Variants in JMJD1C observed in about 807,000 individuals in gnomAD.
The protein encoded by JMJD1C is jumonji domain containing 1C.
Under a neutral mutation model 245.3 loss-of-function variants are expected in JMJD1C, and 31 were observed. That is an observed-to-expected ratio of 0.13 (90% CI 0.09 to 0.17). The LOEUF (loss-of-function observed/expected upper bound fraction) is 0.17, where lower values mean the gene tolerates loss of function less well. Among genes scored for constraint, JMJD1C ranks in the 10% least tolerant of loss-of-function variants. The pLI is 1.00. For missense variants in JMJD1C, 2,691 were observed against 3,000.2 expected (o/e 0.90, Z 2.41); for synonymous variants, 1,057 against 1,017.4 (o/e 1.04, Z -0.74).
intron 4 of JMJD1C, 99 bp downstream of exon 4, chr10:63,219,779 G>T: frequency 1.5e-6 from 1 of 689,274 alleles, no homozygotes; most frequent in Non-Finnish European, 2.6e-6. Flanking sequence ...TATTGGACTG[G>T]GCCTTCTATT....
At chr10:63,470,156 T>C (rs751781082), upstream of JMJD1C, among the ~76,000 whole-genome samples, 11 of 152,186 alleles carry the variant, frequency 7.2e-5, no homozygotes, top group Non-Finnish European at 1.5e-4. Context: ...TGATCATTTA[T>C]ATTTTTTCCC....
At chr10:63,513,178 T>C (rs1954921263) in intron 1 of JMJD1C, among the ~76,000 whole-genome samples, 1 of 152,150 alleles carries the variant, frequency 6.6e-6, no homozygotes, top group Non-Finnish European at 1.5e-5. Context: ...ATCTAATCTT[T>C]GGCAAAGTCA....
At position 63,215,552 on chromosome 10, in the gene JMJD1C, C is replaced by T; in HGVS notation, c.822+1G>A. ...AAATTCATCCCTAATAACATACATA[C>T]GTGAACAGCGTTGACGTTTTGATTG... On this transcript the variant is annotated splice_donor_variant, in intron 6 of 25. Transcript: ENST00000399262. LOFTEE classifies it high-confidence loss of function. The T allele has an allele frequency of 1.2e-6, 2 of 1,609,210 alleles. No homozygotes were observed. The highest frequency in any genetic ancestry group is 1.7e-6 in the Non-Finnish European group (2 of 1,176,126).
chr10:63,214,440 T>G lies in JMJD1C; in HGVS notation c.1727A>C (p.Gln576Pro), dbSNP rs778208068. 1.2e-6 allele frequency: 2 copies of G among 1,613,868 alleles called. No individual in the cohort carries two copies. The change falls in exon 8 of 26, where the codon CAA (glutamine) becomes CCA (proline). Residue 576 changes from glutamine (Q) to proline (P), a missense_variant. Physicochemically the swap from Gln to Pro is moderately conservative, Grantham distance 76 (BLOSUM62 -1). This residue lies in a region of JMJD1C where 1,562 missense variants were observed against 1,490.7 expected (regional missense o/e 1.05). Transcript: ENST00000399262. The stretch of plus-strand genomic sequence containing the variant: ...TGAAGAAGCATTTGTAACACTTGAT[T>G]GGGTTAGATCCACTTTAACTACATC... ...VSDVVKVDLTQSSVTNASSGN... is the reference protein window; with the variant it reads ...VSDVVKVDLTPSSVTNASSGN...
chr10:63,227,973 C>G (rs1849506364), intron 3 of JMJD1C, among the ~76,000 whole-genome samples: 2 of 152,086 alleles, frequency 1.3e-5, no homozygotes, highest in Admixed American at 1.3e-4. Flanking sequence ...TTTGCTGGGA[C>G]AAGAAATATA....
At chr10:63,208,864 T>C in intron 9 of JMJD1C, 63 bp from the exon 10 acceptor site, 1 of 1,288,466 alleles carries the variant, frequency 7.8e-7, no homozygotes, top group Non-Finnish European at 1.1e-6. Context: ...AAAGACAGCT[T>C]CTATGCAATA....
intron 1 of JMJD1C, among the ~76,000 whole-genome samples, chr10:63,485,136 A>C (rs1953954455): frequency 6.6e-6 from 1 of 151,850 alleles, no homozygotes; most frequent in South Asian, 2.1e-4. Flanking sequence ...ATTTAAAATG[A>C]TTAAATAAAA....
At chr10:63,345,752 C>T (rs1407427334) in intron 2 of JMJD1C, among the ~76,000 whole-genome samples, 1 of 152,076 alleles carries the variant, frequency 6.6e-6, no homozygotes, top group African/African-American at 2.4e-5. Flanking sequence ...TTACCTGAGT[C>T]TATGAATTTG....
chr10:63,403,424 T>C (rs1369196636), intron 1 of JMJD1C, among the ~76,000 whole-genome samples: 1 of 152,198 alleles, frequency 6.6e-6, no homozygotes, highest in Admixed American at 6.5e-5. Flanking sequence ...ATATAAGAGC[T>C]TGTGAAATGA....
intron 2 of JMJD1C, among the ~76,000 whole-genome samples, chr10:63,301,467 G>A (rs1860067382): frequency 6.6e-6 from 1 of 152,186 alleles, no homozygotes; most frequent in Non-Finnish European, 1.5e-5. Flanking sequence ...CAGAGATATG[G>A]TATGCATATT....
chr10:63,450,135 A>G (rs1407153884), intron 1 of JMJD1C, among the ~76,000 whole-genome samples: 1 of 152,140 alleles, frequency 6.6e-6, no homozygotes, highest in Non-Finnish European at 1.5e-5. Flanking sequence ...ACAAAAAAAG[A>G]GGAAAAGAAA....
chr10:63,230,955 C>A (rs1414635456), intron 3 of JMJD1C, among the ~76,000 whole-genome samples: 2 of 152,050 alleles, frequency 1.3e-5, no homozygotes, highest in Non-Finnish European at 2.9e-5. Context: ...TGATTCTGTA[C>A]AACACATAAT....
intron 1 of JMJD1C, among the ~76,000 whole-genome samples, chr10:63,477,084 A>G (rs897313357): frequency 5.9e-5 from 9 of 152,352 alleles, no homozygotes; most frequent in African/African-American, 2.2e-4. Context: ...GAAGATCTAA[A>G]TAAGTGGAGA....
At chr10:63,210,507 G>A (rs1010693356) in intron 8 of JMJD1C, among the ~76,000 whole-genome samples, 2 of 152,126 alleles carry the variant, frequency 1.3e-5, no homozygotes, top group Admixed American at 1.3e-4. Flanking sequence ...CATGGTCTAA[G>A]TCCATATACA....
At chr10:63,352,189 G>T (rs1463613793) in intron 2 of JMJD1C, among the ~76,000 whole-genome samples, 2 of 152,176 alleles carry the variant, frequency 1.3e-5, no homozygotes, top group East Asian at 3.9e-4. Flanking sequence ...CGAAATAAAG[G>T]TAAGTTTAGA....
rs1315410066 is a variant in JMJD1C at position 63,191,987 on chromosome 10, A to G, written c.6077-879T>C. ...CAACAGAGTGAGACTCTGTCTCAAA[A>G]AAAAAAAAAAAAAAAAAAAAAACAC... On this transcript the variant is annotated intron_variant, in intron 16 of 25. Coordinates refer to ENST00000399262, the MANE Select transcript of JMJD1C (RefSeq NM_032776.3). Among the ~76,000 whole-genome samples the G allele has an allele frequency of 4.5e-5, 3 of 66,004 alleles. No individual in the cohort carries two copies. In the East Asian group the frequency reaches 1.4e-3, roughly 32 times the overall value. The allele number at this position is 66,004 out of a possible 152,430, so 43.3% of individuals were successfully genotyped here.
intron 11 of JMJD1C, 152 bp from the exon 12 acceptor site, chr10:63,198,879 A>C (rs1350593584): frequency 8.0e-6 from 4 of 497,824 alleles, no homozygotes; most frequent in Non-Finnish European, 1.0e-5. Flanking sequence ...TCACACACTA[A>C]TTATTGAATT....
intron 1 of JMJD1C, among the ~76,000 whole-genome samples, chr10:63,462,709 G>A (rs1952884066): frequency 6.6e-6 from 1 of 152,136 alleles, no homozygotes; most frequent in Admixed American, 6.5e-5. Flanking sequence ...ATGAGCCAAG[G>A]AATGTGGACA....
intron 1 of JMJD1C, among the ~76,000 whole-genome samples, chr10:63,430,254 A>G (rs1222244359): frequency 6.6e-6 from 1 of 152,246 alleles, no homozygotes; most frequent in African/African-American, 2.4e-5. Context: ...AAGAAAACAT[A>G]TAAGAATATC....
Sources: allele counts gnomAD v4.1 joint callset (sites outside exome capture counted in the v4.1 genomes callset), GRCh38; gene constraint gnomAD v4.1.1; regional missense constraint gnomAD v4.1.1; transcripts MANE v1.5; gene names NCBI Gene and HGNC (gene_info 2026-07-23, HGNC 2026-07-21).